Variants in TPST1 observed in about 807,000 individuals in gnomAD.
The protein encoded by TPST1 is protein-tyrosine sulfotransferase 1.
TPST1 carries 20 observed loss-of-function variants against 34.8 expected under a neutral mutation model. The ratio of observed to expected loss-of-function variants is 0.57; its 90% CI spans 0.40 to 0.84. The LOEUF (loss-of-function observed/expected upper bound fraction) is 0.84, where lower values mean the gene tolerates loss of function less well. TPST1 is among the 40% of genes least tolerant of loss of function. The pLI is 0.00. For missense variants in TPST1, 353 were observed against 455.5 expected, an observed-to-expected ratio of 0.78 and a Z score of 2.05; for synonymous variants, 152 against 159.4, an observed-to-expected ratio of 0.95 and a Z score of 0.35.
intron 4 of TPST1, 135 bp from the exon 5 acceptor site, chr7:66,356,690 T>A: frequency 2.1e-6 from 2 of 944,822 alleles, no homozygotes; most frequent in African/African-American, 3.2e-5. Flanking sequence ...TTCTTGAGCA[T>A]ACCACAGTAG....
At chr7:66,348,082 C>A (rs1388148596) in intron 3 of TPST1, among the ~76,000 whole-genome samples, 1 of 152,108 alleles carries the variant, frequency 6.6e-6, no homozygotes, top group African/African-American at 2.4e-5. Flanking sequence ...GGCAAAACAC[C>A]TTGGAGTCAT....
At chr7:66,352,231 C>G (rs1035858652) in intron 3 of TPST1, among the ~76,000 whole-genome samples, 7 of 152,204 alleles carry the variant, frequency 4.6e-5, no homozygotes, top group Non-Finnish European at 8.8e-5. Context: ...ATTTGGCAGT[C>G]AGGGTGCTTT....
At chr7:66,317,871 C>T (rs2116172380) in intron 3 of TPST1, among the ~76,000 whole-genome samples, 1 of 152,198 alleles carries the variant, frequency 6.6e-6, no homozygotes, top group African/African-American at 2.4e-5. Context: ...TTAAATATTA[C>T]TGTCAGGCCA....
intron 1 of TPST1, among the ~76,000 whole-genome samples, chr7:66,217,742 G>A (rs1211901795): frequency 1.3e-5 from 2 of 151,930 alleles, no homozygotes; most frequent in Admixed American, 6.6e-5. Flanking sequence ...GTGCCACCAT[G>A]CCTGGCTAAT....
chr7:66,264,081 G>C (rs1213641367), intron 2 of TPST1, among the ~76,000 whole-genome samples: 3 of 152,134 alleles, frequency 2.0e-5, no homozygotes, highest in African/African-American at 7.2e-5. Context: ...GCCTTCTTAG[G>C]TGGATCCCTG....
At chr7:66,346,489 C>T (rs1316869047) in intron 3 of TPST1, among the ~76,000 whole-genome samples, 2 of 152,024 alleles carry the variant, frequency 1.3e-5, no homozygotes, top group African/African-American at 4.8e-5. Flanking sequence ...CACCAGCATT[C>T]GTTATTGCCT....
chr7:66,265,601 GCTAAAACCCCA>G (rs1363096952), intron 2 of TPST1, among the ~76,000 whole-genome samples: 1 of 151,648 alleles, frequency 6.6e-6, no homozygotes, highest in African/African-American at 2.4e-5. Flanking sequence ...TGAAATAGTG[GCTAAAACCCCA>G]AATTTGATGG....
At chr7:66,318,252 C>T (rs1221321929) in intron 3 of TPST1, among the ~76,000 whole-genome samples, 2 of 152,058 alleles carry the variant, frequency 1.3e-5, no homozygotes, top group East Asian at 3.8e-4. Context: ...CATCCTAACT[C>T]TGATAACTAC....
intron 3 of TPST1, among the ~76,000 whole-genome samples, chr7:66,318,798 G>T (rs1247916325): frequency 6.6e-6 from 1 of 152,180 alleles, no homozygotes; most frequent in Non-Finnish European, 1.5e-5. Flanking sequence ...ATTGATGGTA[G>T]ACTCAGACTT....
chr7:66,264,125 C>T (rs1245651524), intron 2 of TPST1, among the ~76,000 whole-genome samples: 2 of 152,176 alleles, frequency 1.3e-5, no homozygotes, highest in Non-Finnish European at 2.9e-5. Flanking sequence ...CTCTATTTCT[C>T]CTGACTCAGA....
At chr7:66,294,120 G>A (rs1392104) in intron 3 of TPST1, among the ~76,000 whole-genome samples, 136,552 of 152,270 alleles carry the variant, frequency 0.9, 61,402 homozygotes, top group African/African-American at 0.94. Context: ...TGTCACCACC[G>A]TCCATCTCCA....
At chr7:66,244,487 A>G (rs907665179) in intron 2 of TPST1, among the ~76,000 whole-genome samples, 9 of 152,186 alleles carry the variant, frequency 5.9e-5, no homozygotes, top group Admixed American at 5.9e-4. Context: ...ATTTACAGTC[A>G]GGGTGGCATC....
chr7:66,281,005 G>A (rs1454978839), intron 2 of TPST1, among the ~76,000 whole-genome samples: 14 of 152,096 alleles, frequency 9.2e-5, no homozygotes, highest in Non-Finnish European at 4.4e-5. Flanking sequence ...ATGTTCCTTC[G>A]ATGCCTAGCT....
intron 2 of TPST1, among the ~76,000 whole-genome samples, chr7:66,278,129 A>AAAAT (rs1790857246): frequency 4.8e-5 from 7 of 147,128 alleles, no homozygotes; most frequent in South Asian, 2.2e-4. Flanking sequence ...AAAAAAAAAA[A>AAAAT]TTGCAGAAAT....
intron 3 of TPST1, among the ~76,000 whole-genome samples, chr7:66,313,914 A>C (rs1007463688): frequency 2.0e-5 from 3 of 151,810 alleles, no homozygotes; most frequent in African/African-American, 7.3e-5. Flanking sequence ...ATATAGTTTT[A>C]TATTGTTTTA....
chr7:66,239,233 G>A (rs142744737), intron 1 of TPST1, among the ~76,000 whole-genome samples: 140 of 152,108 alleles, frequency 9.2e-4, no homozygotes, highest in Non-Finnish European at 1.8e-3. Context: ...CTCCCATCTC[G>A]GTCTCCCAAA....
chr7:66,333,621 T>G (rs571285860), intron 3 of TPST1, among the ~76,000 whole-genome samples: 76 of 152,290 alleles, frequency 5.0e-4, no homozygotes, highest in African/African-American at 1.7e-3. Flanking sequence ...ACAGTAAAGT[T>G]AAAGATTATG....
chr7:66,273,185 G>A lies in TPST1; in HGVS notation c.846-13326G>A, dbSNP rs1584196474. Among the ~76,000 whole-genome samples the A allele has an allele frequency of 1.3e-5, 2 of 151,992 alleles. 1 individual carries two copies. Among genetic ancestry groups the A allele is most frequent in the South Asian group, 4.2e-4 (2 of 4,810 alleles). On this transcript the variant is annotated intron_variant, in intron 2 of 5. Transcript: ENST00000304842. ...GATGAAAACAATCTCATTCACAATAGCTACCAAAAAAAAGACTTATGAATA... is the reference window on the plus strand; with the variant it reads ...GATGAAAACAATCTCATTCACAATAACTACCAAAAAAAAGACTTATGAATA...
At chr7:66,259,529 A>T (rs530232667) in intron 2 of TPST1, among the ~76,000 whole-genome samples, 1 of 151,966 alleles carries the variant, frequency 6.6e-6, no homozygotes, top group African/African-American at 2.4e-5. Context: ...CAGGACTCCA[A>T]TTACACATAT....
Sources: allele counts gnomAD v4.1 joint callset (sites outside exome capture counted in the v4.1 genomes callset), GRCh38; gene constraint gnomAD v4.1.1; transcripts MANE v1.5; gene names NCBI Gene and HGNC (gene_info 2026-07-23, HGNC 2026-07-21).